Variants in BRF1 observed in about 807,000 individuals in gnomAD.
The protein encoded by BRF1 is BRF1 general transcription factor IIIB subunit.
BRF1 carries 59 observed loss-of-function variants against 81.7 expected under a neutral mutation model. The ratio of observed to expected loss-of-function variants is 0.72; its 90% CI spans 0.59 to 0.90. The LOEUF is 0.90. Among genes scored for constraint, BRF1 ranks in the 40% least tolerant of loss-of-function variants. The pLI is 0.00. For synonymous variants in BRF1, 491 were observed against 395.6 expected (o/e 1.24, Z -2.86); for missense variants, 1,050 against 936.3 (o/e 1.12, Z -1.58).
intron 5 of BRF1, among the ~76,000 whole-genome samples, chr14:105,251,696 A>G (rs988548248): frequency 2.0e-5 from 3 of 152,070 alleles, no homozygotes; most frequent in Admixed American, 2.0e-4. Context: ...CCCAAAGGAC[A>G]TACGCTCCTA....
At chr14:105,245,461 G>A (rs2055024776) in intron 5 of BRF1, among the ~76,000 whole-genome samples, 1 of 151,586 alleles carries the variant, frequency 6.6e-6, no homozygotes, top group Non-Finnish European at 1.5e-5. Context: ...GTAGGCAAAG[G>A]GACTAATAAG....
At chr14:105,292,059 C>A (rs587717323) in intron 1 of BRF1, among the ~76,000 whole-genome samples, 1 of 152,304 alleles carries the variant, frequency 6.6e-6, no homozygotes, top group Admixed American at 6.5e-5. Context: ...GGCACCATCA[C>A]GGCTCACTGC....
chr14:105,250,680 G>A (rs767993703), intron 5 of BRF1: 149 of 1,598,200 alleles, frequency 9.3e-5, no homozygotes, highest in Non-Finnish European at 1.2e-4. Flanking sequence ...TGAGGTGCCC[G>A]GGGAGGCTGC....
chr14:105,241,952 C>T (rs2816648), intron 5 of BRF1: 39,107 of 167,636 alleles, frequency 0.23, 4,952 homozygotes, highest in South Asian at 0.28. Context: ...CACAGTGCCA[C>T]GGGGGAGTGC....
At chr14:105,247,233 C>G in intron 5 of BRF1, 1 of 985,466 alleles carries the variant, frequency 1.0e-6, no homozygotes, top group Non-Finnish European at 1.2e-6. Flanking sequence ...TCCGGACTCT[C>G]ATGCATATGC....
At chr14:105,250,902 G>C in intron 5 of BRF1, 1 of 561,004 alleles carries the variant, frequency 1.8e-6, no homozygotes, top group South Asian at 2.4e-5. Context: ...GAAGATTTAC[G>C]GCTCAAGACA....
At position 105,284,200 on chromosome 14, in the gene BRF1, A is replaced by G. The variant is rs2057228730; in HGVS notation, c.265+2096T>C. 6.6e-6 allele frequency among the ~76,000 whole-genome samples: 1 copy of G among 152,174 alleles called. No individual in the cohort carries two copies. On this transcript the variant is annotated intron_variant, in intron 2 of 17. Transcript: ENST00000547530. This position sits in a 1 kb window ranked among gnomAD's most constrained non-coding sequence, Gnocchi z 4.0. Reference sequence around the variant, plus strand: ...GGCCTTCCACCCGGCCACGGCTCGAAGCATTTCCGAAGACTGAAATCACAC... The same window carrying G: ...GGCCTTCCACCCGGCCACGGCTCGAGGCATTTCCGAAGACTGAAATCACAC...
chr14:105,228,873 A>C lies in BRF1; in HGVS notation c.735T>G (p.Thr245=). ...TGACCACACTGATGACCTCCTTCAC[A>C]GTCCTCCTGAAGTCATGCATTCTGG... The part of the protein sequence containing the change: ...VAARMHDFRR[T]VKEVISVVKV... Residue 245 remains threonine (T), a synonymous_variant, in exon 7 of 18, where the codon ACT becomes ACG. Transcript: ENST00000547530. 6.2e-7 allele frequency: 1 copy of C among 1,613,840 alleles called. No homozygotes were observed. Among genetic ancestry groups the C allele is most frequent in the South Asian group, 1.1e-5 (1 of 91,088 alleles).
At chr14:105,213,370 G>C (rs1319675898) in intron 15 of BRF1, 2 of 152,098 alleles carry the variant, frequency 1.3e-5, no homozygotes, top group Admixed American at 1.3e-4. Context: ...CCCCCATTGA[G>C]AAGGGCCCTG....
intron 1 of BRF1, among the ~76,000 whole-genome samples, chr14:105,289,789 C>T (rs2057448974): frequency 1.3e-5 from 2 of 152,206 alleles, no homozygotes; most frequent in African/African-American, 4.8e-5. Context: ...GTGCGTGCCA[C>T]CACGCCCAGC....
intron 1 of BRF1, among the ~76,000 whole-genome samples, chr14:105,297,439 G>A (rs994822917): frequency 4.4e-4 from 67 of 152,032 alleles, no homozygotes; most frequent in Non-Finnish European, 2.8e-4. Flanking sequence ...GTGTGGTGGC[G>A]TGTGCCTGCA....
intron 1 of BRF1, among the ~76,000 whole-genome samples, chr14:105,308,828 A>C (rs951942526): frequency 6.6e-6 from 1 of 151,720 alleles, no homozygotes; most frequent in Admixed American, 6.6e-5. Context: ...ACCCTTAGGG[A>C]CCCAGCACAG....
rs775333275 is a variant in BRF1 at position 105,220,140 on chromosome 14, A to G, written c.1316-10T>C. The G allele has an allele frequency of 6.2e-7, 1 of 1,613,316 alleles. No homozygotes were observed. The highest frequency in any genetic ancestry group is 1.1e-5 in the South Asian group (1 of 91,084). ...TCTCCTGAAGCATCTTCTGGAGGGA[A>G]GCACAGCATCCGCGTCACTCAGGGC... On this transcript the variant is annotated splice_polypyrimidine_tract_variant and intron_variant, in intron 11 of 17. Coordinates refer to ENST00000547530, the MANE Select transcript of BRF1 (RefSeq NM_001519.4).
intron 3 of BRF1, among the ~76,000 whole-genome samples, chr14:105,270,756 A>G (rs1463793576): frequency 1.3e-5 from 2 of 151,402 alleles, no homozygotes; most frequent in Admixed American, 1.3e-4. Context: ...CTACCACTGC[A>G]CTCCAGCCTG....
chr14:105,229,424 T>C (rs1320739637), intron 6 of BRF1, among the ~76,000 whole-genome samples: 1 of 152,202 alleles, frequency 6.6e-6, no homozygotes, highest in Non-Finnish European at 1.5e-5. Context: ...TGCCGGTACC[T>C]GGCCTGCCGG....
chr14:105,302,228 A>C (rs1251960402), upstream of BRF1, among the ~76,000 whole-genome samples: 1 of 132,092 alleles, frequency 7.6e-6, no homozygotes, highest in Non-Finnish European at 1.6e-5. Context: ...TTTGAGACGG[A>C]GTCTCTGCTC....
Position 105,309,637 on chromosome 14 carries a change from G to C in BRF1, c.-162+5685C>G, listed in dbSNP as rs1386414382. Among the ~76,000 whole-genome samples the C allele has an allele frequency of 6.6e-6, 1 of 152,240 alleles. No homozygotes were observed. Among genetic ancestry groups the C allele is most frequent in the African/African-American group, 2.4e-5 (1 of 41,472 alleles). On this transcript the variant is annotated intron_variant, in intron 1 of 17. Coordinates refer to the BRF1 transcript ENST00000327359. The surrounding 1 kb of genome is among the most constrained non-coding windows in gnomAD (Gnocchi z 4.0). ...AGAGCTGCTCTGGGTCCTGCCCCAG[G>C]TGCTGTGTGAGGGAGCTGCGCTGCC...
chr14:105,308,507 G>A (rs1206481734), intron 1 of BRF1, among the ~76,000 whole-genome samples: 2 of 147,124 alleles, frequency 1.4e-5, no homozygotes, highest in East Asian at 4.0e-4. Context: ...TTTTGAGATG[G>A]AGTCTTGCTC....
At position 105,256,559 on chromosome 14, in the gene BRF1, G is replaced by C; in HGVS notation, c.440-10C>G. On this transcript the variant is annotated splice_polypyrimidine_tract_variant and intron_variant, in intron 3 of 17. Coordinates refer to ENST00000547530, the MANE Select transcript of BRF1 (RefSeq NM_001519.4). ...AGGTCCAGGAGCATGTCTGCAGCAG[G>C]AGTCAAGGATCCTGTCGAGTGGCTG... 6.2e-7 allele frequency: 1 copy of C among 1,613,296 alleles called. No individual in the cohort carries two copies. The highest frequency in any genetic ancestry group is 8.5e-7 in the Non-Finnish European group (1 of 1,179,570).
Sources: allele counts gnomAD v4.1 joint callset (sites outside exome capture counted in the v4.1 genomes callset), GRCh38; gene constraint gnomAD v4.1.1; non-coding constraint Gnocchi (gnomAD v3.1); transcripts MANE v1.5; gene names NCBI Gene and HGNC (gene_info 2026-07-23, HGNC 2026-07-21).